The following MAGI2 variants were observed in gnomAD, a reference collection of about 807,000 sequenced individuals.
MAGI2 encodes the protein membrane-associated guanylate kinase, WW and PDZ domain-containing protein 2.
MAGI2 carries 35 observed loss-of-function variants against 133.3 expected under a neutral mutation model. That is an observed-to-expected ratio of 0.26 (90% CI 0.20 to 0.35). MAGI2 has a LOEUF of 0.35. MAGI2 is among the 10% of genes least tolerant of loss of function. The probability of loss-of-function intolerance (pLI) is 1.00; values close to 1 mark genes in which losing one functional copy is unlikely to be tolerated. For missense variants in MAGI2, 1,636 were observed against 1,863.4 expected, an observed-to-expected ratio of 0.88 and a Z score of 2.25; for synonymous variants, 729 against 710.6, an observed-to-expected ratio of 1.03 and a Z score of -0.41.
intron 21 of MAGI2, chr7:78,025,956 A>T (rs1808870689): frequency 6.6e-6 from 1 of 152,472 alleles, no homozygotes; most frequent in South Asian, 2.1e-4. Flanking sequence ...GTCATTAACC[A>T]ACATGCCAGA....
chr7:78,481,767 A>G (rs1792405112), intron 6 of MAGI2, among the ~76,000 whole-genome samples: 1 of 151,914 alleles, frequency 6.6e-6, no homozygotes, highest in Non-Finnish European at 1.5e-5. Flanking sequence ...ATTAACCCAA[A>G]ATACACAACA....
chr7:79,409,578 A>G (rs1016338986), intron 1 of MAGI2, among the ~76,000 whole-genome samples: 1 of 152,072 alleles, frequency 6.6e-6, no homozygotes, highest in African/African-American at 2.4e-5. Flanking sequence ...CTATACGTAC[A>G]TGAGCTTGGG....
At chr7:79,122,571 G>A (rs117870018) in intron 1 of MAGI2, among the ~76,000 whole-genome samples, 2,765 of 151,828 alleles carry the variant, frequency 0.018, 42 homozygotes, top group Middle Eastern at 0.038. Flanking sequence ...AAATGATTTC[G>A]TTATATCTGG....
chr7:79,220,701 A>T (rs1393384264), intron 1 of MAGI2, among the ~76,000 whole-genome samples: 1 of 152,102 alleles, frequency 6.6e-6, no homozygotes, highest in African/African-American at 2.4e-5. Flanking sequence ...TGCCTGGAAC[A>T]GTCACCTCAC....
chr7:78,582,242 C>T (rs1209854494), intron 3 of MAGI2, among the ~76,000 whole-genome samples: 1 of 152,176 alleles, frequency 6.6e-6, no homozygotes, highest in African/African-American at 2.4e-5. Flanking sequence ...GCCCCTCAAC[C>T]AGTCTTCAGG....
At chr7:79,434,120 A>AG (rs1047034580) in intron 1 of MAGI2, among the ~76,000 whole-genome samples, 1 of 151,824 alleles carries the variant, frequency 6.6e-6, no homozygotes, top group Non-Finnish European at 1.5e-5. Flanking sequence ...TCTCTTTTGG[A>AG]GAAAAAAAAA....
intron 2 of MAGI2, among the ~76,000 whole-genome samples, chr7:78,715,131 G>C (rs957566074): frequency 6.6e-6 from 1 of 152,158 alleles, no homozygotes; most frequent in African/African-American, 2.4e-5. Flanking sequence ...TTGCTTGGAG[G>C]AATCAGGACT....
intron 9 of MAGI2, among the ~76,000 whole-genome samples, chr7:78,272,445 G>T (rs529955419): frequency 5.9e-5 from 9 of 152,198 alleles, no homozygotes; most frequent in Non-Finnish European, 1.0e-4. Context: ...TTCTGTAGAT[G>T]TCTATTAGGT....
Position 79,111,878 on chromosome 7 carries a change from A to G in MAGI2, c.302-104672T>C, listed in dbSNP as rs1818957491. On this transcript the variant is annotated intron_variant, in intron 1 of 21. Transcript: ENST00000354212. ...CAGACGGGGTTTCATCGTGTTAGCC[A>G]GGATGGTCTTGATCTCCTGACCTCG... Among the ~76,000 whole-genome samples, 3 of 152,132 alleles carry G rather than the reference A, an allele frequency of 2.0e-5. No homozygotes were observed. In the South Asian group the frequency reaches 6.2e-4, roughly 32 times the overall value.
At chr7:78,460,304 CTTCCCT>C (rs1789830986) in intron 6 of MAGI2, among the ~76,000 whole-genome samples, 2 of 152,210 alleles carry the variant, frequency 1.3e-5, no homozygotes, top group Admixed American at 1.3e-4. Context: ...CACTGTGAAA[CTTCCCT>C]TTAGCTCAGC....
intron 21 of MAGI2, among the ~76,000 whole-genome samples, chr7:78,060,242 G>C (rs201838807): frequency 2.2e-5 from 1 of 46,408 alleles, no homozygotes. Context: ...AAAACAAAAG[G>C]GACCCCCCCC....
Position 78,346,909 on chromosome 7 carries a change from G to A in MAGI2, c.1104-866C>T, listed in dbSNP as rs372863223. ...CAAGCATGAAGAGGAGAGAAGGAAT[G>A]GAAGAGAAACTGACAAATACTGAGT... is the stretch of plus-strand genomic sequence containing the variant. On this transcript the variant is annotated intron_variant, in intron 7 of 21. Coordinates refer to ENST00000354212, the MANE Select transcript of MAGI2 (RefSeq NM_012301.4). Among the ~76,000 whole-genome samples, 187 of 152,308 alleles carry A rather than the reference G, an allele frequency of 1.2e-3. 3 individuals are homozygous for A. The South Asian group carries it at 0.036, about 29-fold the overall frequency.
chr7:78,473,741 T>C (rs189484774), intron 6 of MAGI2, among the ~76,000 whole-genome samples: 4 of 152,168 alleles, frequency 2.6e-5, no homozygotes, highest in Admixed American at 2.6e-4. Context: ...AAGGATGCAG[T>C]GGTTTCCTTC....
intron 2 of MAGI2, among the ~76,000 whole-genome samples, chr7:78,791,750 A>G (rs935996875): frequency 6.6e-6 from 1 of 151,970 alleles, no homozygotes; most frequent in African/African-American, 2.4e-5. Context: ...GGGTTTCACC[A>G]TATTGGACAG....
intron 1 of MAGI2, among the ~76,000 whole-genome samples, chr7:79,259,738 T>A (rs1373465567): frequency 6.6e-6 from 1 of 152,212 alleles, no homozygotes; most frequent in African/African-American, 2.4e-5. Flanking sequence ...TTATCAATTT[T>A]GAATGTTCAA....
In MAGI2 at chr7:79,155,637, G is replaced by C. The variant is rs548673060; in HGVS notation, c.302-148431C>G. Among the ~76,000 whole-genome samples, 4 of 152,284 alleles carry C rather than the reference G, an allele frequency of 2.6e-5. No homozygotes were observed. The South Asian group carries it at 8.3e-4, about 32-fold the overall frequency. ...CTAAGAAAAAGGCAAAGGGGGACCA[G>C]AGAGTTGGAAGTGTGTTTTAGACAG... On this transcript the variant is annotated intron_variant, in intron 1 of 21. Coordinates refer to ENST00000354212, the MANE Select transcript of MAGI2 (RefSeq NM_012301.4).
At chr7:78,904,792 C>A (rs1797877118) in intron 2 of MAGI2, among the ~76,000 whole-genome samples, 1 of 152,090 alleles carries the variant, frequency 6.6e-6, no homozygotes, top group Admixed American at 6.5e-5. Flanking sequence ...TGTGAGCCAC[C>A]CCTCCCCTGG....
intron 1 of MAGI2, among the ~76,000 whole-genome samples, chr7:79,305,773 T>C (rs1837737485): frequency 1.3e-5 from 2 of 151,750 alleles, no homozygotes. Context: ...ACAAATAAAT[T>C]CTCCAGGCAT....
chr7:79,210,055 T>C (rs998717675), intron 1 of MAGI2, among the ~76,000 whole-genome samples: 3 of 152,078 alleles, frequency 2.0e-5, no homozygotes, highest in Admixed American at 1.3e-4. Flanking sequence ...ATCAGCTAGC[T>C]TTCATATTTT....
Sources: allele counts gnomAD v4.1 joint callset (sites outside exome capture counted in the v4.1 genomes callset), GRCh38; gene constraint gnomAD v4.1.1; transcripts MANE v1.5; gene names NCBI Gene and HGNC (gene_info 2026-07-23, HGNC 2026-07-21).